Variants in ZC3H3 observed in about 807,000 individuals in gnomAD.
ZC3H3 encodes the protein zinc finger CCCH-type containing 3.
ZC3H3 carries 36 observed loss-of-function variants against 77.3 expected under a neutral mutation model. That is an observed-to-expected ratio of 0.47 (90% confidence interval 0.36 to 0.61). The LOEUF is 0.61. ZC3H3 is among the 20% of genes least tolerant of loss of function. ZC3H3 has a pLI of 0.00. For synonymous variants in ZC3H3, 626 were observed against 555.2 expected (o/e 1.13, Z -1.79); for missense variants, 1,331 against 1,312.2 (o/e 1.01, Z -0.22).
intron 9 of ZC3H3, among the ~76,000 whole-genome samples, chr8:143,457,210 A>G (rs913758914): frequency 6.6e-5 from 10 of 152,218 alleles, no homozygotes; most frequent in South Asian, 4.1e-4. Context: ...AAACCGTGAG[A>G]AACTCAGAAT....
At chr8:143,491,970 C>T (rs1821217258) in intron 4 of ZC3H3, among the ~76,000 whole-genome samples, 1 of 152,226 alleles carries the variant, frequency 6.6e-6, no homozygotes, top group Admixed American at 6.5e-5. Context: ...ATGTTGCCTC[C>T]ACCTGGTGCA....
At chr8:143,497,071 T>A (rs945158793) in intron 4 of ZC3H3, among the ~76,000 whole-genome samples, 2 of 152,208 alleles carry the variant, frequency 1.3e-5, no homozygotes, top group Non-Finnish European at 2.9e-5. Flanking sequence ...GCAAATGCGA[T>A]AAAATATCAT....
intron 9 of ZC3H3, among the ~76,000 whole-genome samples, chr8:143,459,760 A>T (rs923463332): frequency 6.7e-6 from 1 of 149,474 alleles, no homozygotes; most frequent in Non-Finnish European, 1.5e-5. Flanking sequence ...ATTCAACACC[A>T]TTTCATGTTT....
chr8:143,475,881 A>T (rs1030949085), intron 4 of ZC3H3, among the ~76,000 whole-genome samples: 2 of 152,094 alleles, frequency 1.3e-5, no homozygotes, highest in East Asian at 3.9e-4. Context: ...CTGGGAACTC[A>T]TGCGCCCCTA....
chr8:143,489,540 C>G (rs383439), intron 4 of ZC3H3, among the ~76,000 whole-genome samples: 49,282 of 151,964 alleles, frequency 0.32, 8,215 homozygotes, highest in South Asian at 0.42. Context: ...AAGCAGCCTC[C>G]GCAGGCAAGG....
At position 143,538,649 on chromosome 8, in the gene ZC3H3, C is replaced by T. The variant is rs776835080; in HGVS notation, c.718G>A (p.Gly240Ser). The change falls in exon 2 of 12, where the codon GGC (glycine) becomes AGC (serine). Residue 240 changes from glycine (G) to serine (S), a missense_variant. Gly to Ser is a moderately conservative substitution (Grantham distance 56). This residue lies in a region of ZC3H3 where 978 missense variants were observed against 915.5 expected (regional missense o/e 1.07). Coordinates refer to ENST00000262577, the MANE Select transcript of ZC3H3 (RefSeq NM_015117.3). ...CCCAGCTTCCGGCCCAGGGCCACGC[C>T]AGTGCGTGGGGGCAGAGCGGAGGAT... ...FPSSALPPRT[G>S]VALGRKLGSH... The T allele has an allele frequency of 4.4e-6, 7 of 1,608,608 alleles. No homozygotes were observed. The Admixed American group carries it at 1.2e-4, about 27-fold the overall frequency.
intron 11 of ZC3H3, among the ~76,000 whole-genome samples, chr8:143,439,342 G>T (rs1288730449): frequency 6.6e-6 from 1 of 152,174 alleles, no homozygotes; most frequent in Non-Finnish European, 1.5e-5. Flanking sequence ...TTCCATTAAC[G>T]TTACGACCGT....
chr8:143,532,969 T>C (rs1164390839), intron 3 of ZC3H3, among the ~76,000 whole-genome samples: 1 of 152,150 alleles, frequency 6.6e-6, no homozygotes, highest in Non-Finnish European at 1.5e-5. Context: ...ACGGGCTCCC[T>C]GCCTGCTTGA....
chr8:143,474,920 G>A (rs578257576), intron 5 of ZC3H3, among the ~76,000 whole-genome samples: 31 of 152,342 alleles, frequency 2.0e-4, no homozygotes, highest in Admixed American at 1.0e-3. Flanking sequence ...CGGGCGCCGC[G>A]GCCCCAGGTG....
intron 11 of ZC3H3, among the ~76,000 whole-genome samples, chr8:143,439,582 T>C (rs764014126): frequency 6.6e-6 from 1 of 152,170 alleles, no homozygotes; most frequent in African/African-American, 2.4e-5. Flanking sequence ...CAGGAGTGCG[T>C]GGTGATCTTC....
At chr8:143,509,342 TCACCACCTTCC>T (rs543450775) in intron 3 of ZC3H3, among the ~76,000 whole-genome samples, 84 of 152,344 alleles carry the variant, frequency 5.5e-4, no homozygotes, top group African/African-American at 1.9e-3. Context: ...CGAGGTGACC[TCACCACCTTCC>T]AGCCCTGCTG....
At chr8:143,471,521 G>A (rs1445312436) in intron 5 of ZC3H3, among the ~76,000 whole-genome samples, 1 of 152,048 alleles carries the variant, frequency 6.6e-6, no homozygotes, top group Non-Finnish European at 1.5e-5. Context: ...CCAGAGACTG[G>A]GGCCTCTGCC....
At chr8:143,517,413 G>A (rs1010991242) in intron 3 of ZC3H3, among the ~76,000 whole-genome samples, 2 of 152,300 alleles carry the variant, frequency 1.3e-5, no homozygotes, top group South Asian at 4.1e-4. Context: ...AGAGGAGCAG[G>A]AGGAAACCGG....
chr8:143,537,125 A>G (rs764652206), intron 2 of ZC3H3, among the ~76,000 whole-genome samples: 21 of 152,234 alleles, frequency 1.4e-4, no homozygotes, highest in Non-Finnish European at 2.5e-4. Context: ...TGCAGCCACC[A>G]CCTTAGCTGC....
At chr8:143,532,336 G>A (rs1822643086) in intron 3 of ZC3H3, among the ~76,000 whole-genome samples, 3 of 152,282 alleles carry the variant, frequency 2.0e-5, no homozygotes, top group African/African-American at 7.2e-5. Flanking sequence ...GGAGGCGGCA[G>A]CAGGGCTGCC....
intron 3 of ZC3H3, among the ~76,000 whole-genome samples, chr8:143,535,595 C>A (rs890599910): frequency 3.3e-5 from 5 of 152,358 alleles, no homozygotes; most frequent in African/African-American, 1.2e-4. Flanking sequence ...CAACCACGTG[C>A]CCGCCTGGAG....
Position 143,539,266 on chromosome 8 carries a change from G to A in ZC3H3, c.101C>T (p.Pro34Leu), listed in dbSNP as rs937220325. Residue 34 changes from proline (P) to leucine (L), a missense_variant, in exon 2 of 12, where the codon CCA becomes CTA. By Grantham distance (98) the Pro-to-Leu change is moderately conservative. Coordinates refer to ENST00000262577, the MANE Select transcript of ZC3H3 (RefSeq NM_015117.3). ...GGGTGGCTGCCACCCAGAAGCTGCT[G>A]GGGTACCAGGGGCCGGGGCATTGCC... The part of the protein sequence containing the change: ...LHGNAPAPGT[P>L]AASGWQPPTY... 6.2e-6 allele frequency: 10 copies of A among 1,612,624 alleles called. No individual in the cohort carries two copies. The African/African-American group carries it at 1.3e-4, about 22-fold the overall frequency.
At chr8:143,529,374 A>C (rs80289570) in intron 3 of ZC3H3, among the ~76,000 whole-genome samples, 2,656 of 152,266 alleles carry the variant, frequency 0.017, 81 homozygotes, top group African/African-American at 0.061. Context: ...TGGGTGCAGA[A>C]TCCACCCAGG....
intron 3 of ZC3H3, among the ~76,000 whole-genome samples, chr8:143,509,207 C>A (rs536377871): frequency 1.3e-5 from 2 of 152,238 alleles, no homozygotes; most frequent in Admixed American, 1.3e-4. Flanking sequence ...GAGTCCACAT[C>A]AGAGAGTCTG....
Sources: allele counts gnomAD v4.1 joint callset (sites outside exome capture counted in the v4.1 genomes callset), GRCh38; gene constraint gnomAD v4.1.1; regional missense constraint gnomAD v4.1.1; transcripts MANE v1.5; gene names NCBI Gene and HGNC (gene_info 2026-07-23, HGNC 2026-07-21).